The following EIF2B3 variants were observed in gnomAD, a reference collection of about 807,000 sequenced individuals.
EIF2B3 encodes the protein translation initiation factor eIF2B subunit gamma.
A neutral mutation model predicts 54.1 loss-of-function variants in EIF2B3; 20 were observed. That is an observed-to-expected ratio of 0.37 (90% CI 0.26 to 0.54). The LOEUF is 0.54. Ranked by LOEUF, EIF2B3 falls within the 20% of genes least tolerant of loss-of-function variation. The probability of loss-of-function intolerance (pLI) is 0.86; values close to 1 mark genes in which losing one functional copy is unlikely to be tolerated. For synonymous variants in EIF2B3, 153 were observed against 188.1 expected, an observed-to-expected ratio of 0.81 and a Z score of 1.52; for missense variants, 448 against 547.8, an observed-to-expected ratio of 0.82 and a Z score of 1.82.
Position 44,850,863 on chromosome 1 carries a change from T to G in EIF2B3, c.*88A>C. 6.8e-7 allele frequency: 1 copy of G among 1,477,260 alleles called. No homozygotes were observed. Among genetic ancestry groups the G allele is most frequent in the Non-Finnish European group, 9.5e-7 (1 of 1,056,834 alleles). 91.5% of individuals were successfully genotyped at this position (1,477,260 alleles called of 1,614,324 possible). On this transcript the variant is annotated 3_prime_UTR_variant, in exon 12 of 12. Coordinates refer to ENST00000360403, the MANE Select transcript of EIF2B3 (RefSeq NM_020365.5). ...CATGCCTTTGGAAGCCCTTCTTTATTGGGAAATAAATACAGAGTTAAACAG... is the reference window on the plus strand; with the variant it reads ...CATGCCTTTGGAAGCCCTTCTTTATGGGGAAATAAATACAGAGTTAAACAG...
At chr1:44,904,084 A>AAAAC (rs1036116851) in intron 5 of EIF2B3, among the ~76,000 whole-genome samples, 4 of 152,154 alleles carry the variant, frequency 2.6e-5, no homozygotes, top group Admixed American at 2.6e-4. Flanking sequence ...TCAAAAAAAC[A>AAAAC]AAACAAACAA....
Position 44,915,788 on chromosome 1 carries a change from CTA to C in EIF2B3, c.566+10838_566+10839del, listed in dbSNP as rs1164395186. Among the ~76,000 whole-genome samples the C allele has an allele frequency of 8.6e-5, 13 of 151,910 alleles. 1 individual carries two copies. In the South Asian group the frequency reaches 2.1e-3, roughly 24 times the overall value. ...AATTTTATTTTTAATATAAAAATGA[CTA>C]TTCAATTTTACTGGTATTTAACAAA... is the stretch of plus-strand genomic sequence containing the variant. On this transcript the variant is annotated intron_variant, in intron 5 of 11. Coordinates refer to ENST00000360403, the MANE Select transcript of EIF2B3 (RefSeq NM_020365.5).
chr1:44,888,644 T>C lies in EIF2B3; in HGVS notation c.657-6905A>G, dbSNP rs1361103254. Among the ~76,000 whole-genome samples, 6 of 152,362 alleles carry C rather than the reference T, an allele frequency of 3.9e-5. No individual in the cohort carries two copies. In the East Asian group the frequency reaches 7.7e-4, roughly 20 times the overall value. ...TGCTATGAATTTGTCTGTGTTGTTC[T>C]GTCATAAAGAAGGGTACCTTAGGAT... On this transcript the variant is annotated intron_variant, in intron 6 of 11. Coordinates refer to ENST00000360403, the MANE Select transcript of EIF2B3 (RefSeq NM_020365.5).
intron 4 of EIF2B3, among the ~76,000 whole-genome samples, chr1:44,928,303 C>T (rs934434502): frequency 1.3e-5 from 2 of 151,490 alleles, no homozygotes; most frequent in Non-Finnish European, 2.9e-5. Context: ...AATCAGCTGC[C>T]GAGTGTGGTG....
intron 8 of EIF2B3, among the ~76,000 whole-genome samples, chr1:44,876,871 G>A (rs1355629974): frequency 7.2e-6 from 1 of 138,318 alleles, no homozygotes; most frequent in African/African-American, 2.9e-5. Flanking sequence ...TTCTGCCTTG[G>A]GATCCTGTTG....
At chr1:44,895,742 T>G (rs1006093146) in intron 6 of EIF2B3, among the ~76,000 whole-genome samples, 2 of 152,134 alleles carry the variant, frequency 1.3e-5, no homozygotes, top group Non-Finnish European at 2.9e-5. Flanking sequence ...AAAACAAAAT[T>G]GACAATGAGT....
chr1:44,918,487 T>G (rs1389808538), intron 5 of EIF2B3, among the ~76,000 whole-genome samples: 1 of 151,914 alleles, frequency 6.6e-6, no homozygotes, highest in African/African-American at 2.4e-5. Flanking sequence ...CCTCCCAGGT[T>G]CAAGCAATTC....
chr1:44,859,963 G>A (rs1654556053), intron 10 of EIF2B3, among the ~76,000 whole-genome samples: 1 of 150,688 alleles, frequency 6.6e-6, no homozygotes, highest in African/African-American at 2.4e-5. Context: ...TCGTCATGTT[G>A]GCCAGGCTGG....
chr1:44,868,267 G>A (rs374540287), intron 10 of EIF2B3, among the ~76,000 whole-genome samples: 2 of 151,238 alleles, frequency 1.3e-5, no homozygotes, highest in African/African-American at 2.4e-5. Flanking sequence ...GCGTGGTGGC[G>A]GGCACCTGTA....
At chr1:44,892,209 G>A (rs1034905227) in intron 6 of EIF2B3, among the ~76,000 whole-genome samples, 1 of 152,070 alleles carries the variant, frequency 6.6e-6, no homozygotes, top group Non-Finnish European at 1.5e-5. Flanking sequence ...TTCAACCAAA[G>A]CACTTTCCAC....
intron 5 of EIF2B3, among the ~76,000 whole-genome samples, chr1:44,914,317 T>C (rs1413872642): frequency 6.6e-6 from 1 of 151,730 alleles, no homozygotes; most frequent in Non-Finnish European, 1.5e-5. Flanking sequence ...TGCGCCACCA[T>C]GCCTGGGTAA....
At position 44,879,886 on chromosome 1, in the gene EIF2B3, G is replaced by A; in HGVS notation, c.907C>T (p.His303Tyr). ...GAGCAGAGCCCCTCTTTCATGATGT[G>A]GACATAGCAGCGCACCTGTGATCTG... Reference protein sequence around the residue: ...LSRSQVRCYVHIMKEGLCSRV... With the variant: ...LSRSQVRCYVYIMKEGLCSRV... The change falls in exon 8 of 12, where the codon CAC (histidine) becomes TAC (tyrosine). Residue 303 changes from histidine to tyrosine, a missense_variant. Physicochemically the swap from His to Tyr is moderately conservative, Grantham distance 83 (BLOSUM62 2). Coordinates refer to ENST00000360403, the MANE Select transcript of EIF2B3 (RefSeq NM_020365.5). The A allele has an allele frequency of 6.2e-7, 1 of 1,614,142 alleles. No individual in the cohort carries two copies. The highest frequency in any genetic ancestry group is 8.5e-7 in the Non-Finnish European group (1 of 1,180,032).
At chr1:44,960,954 A>G (rs1334024979) in intron 3 of EIF2B3, among the ~76,000 whole-genome samples, 1 of 152,108 alleles carries the variant, frequency 6.6e-6, no homozygotes, top group African/African-American at 2.4e-5. Context: ...AAAGTTTACC[A>G]ATGTGTTACT....
At chr1:44,913,321 AC>A (rs1643553382) in intron 5 of EIF2B3, among the ~76,000 whole-genome samples, 1 of 151,918 alleles carries the variant, frequency 6.6e-6, no homozygotes, top group Non-Finnish European at 1.5e-5. Flanking sequence ...CCAAAACAAA[AC>A]CCTTACTTCT....
chr1:44,965,488 G>A (rs1569856849), intron 3 of EIF2B3, among the ~76,000 whole-genome samples: 2 of 144,730 alleles, frequency 1.4e-5, no homozygotes, highest in African/African-American at 5.2e-5. Flanking sequence ...TCTAGAGTTA[G>A]AGTGATTATA....
At chr1:44,921,630 T>C (rs1643739979) in intron 5 of EIF2B3, among the ~76,000 whole-genome samples, 1 of 152,196 alleles carries the variant, frequency 6.6e-6, no homozygotes, top group Admixed American at 6.5e-5. Context: ...CCTAGCACCA[T>C]TTATTGAAGA....
At position 44,870,648 on chromosome 1, in the gene EIF2B3, G is replaced by C. The variant is rs138388419; in HGVS notation, c.1202+4030C>G. Reference sequence around the variant, plus strand: ...TCTACTCCCAAGGCTTCAGTTATCAGTTCTCAGGTTTTTTTTTTTTTTGAG... The same window carrying C: ...TCTACTCCCAAGGCTTCAGTTATCACTTCTCAGGTTTTTTTTTTTTTTGAG... On this transcript the variant is annotated intron_variant, in intron 10 of 11. Transcript: ENST00000360403. Among the ~76,000 whole-genome samples the C allele has an allele frequency of 3.0e-3, 454 of 149,104 alleles. 3 individuals carry two copies. The highest frequency in any genetic ancestry group is 0.011 in the African/African-American group (433 of 40,950).
chr1:44,970,495 A>G (rs1644388562), intron 3 of EIF2B3, among the ~76,000 whole-genome samples: 1 of 152,208 alleles, frequency 6.6e-6, no homozygotes, highest in South Asian at 2.1e-4. Flanking sequence ...CTTATTGGAA[A>G]CAGACCAAAA....
intron 6 of EIF2B3, among the ~76,000 whole-genome samples, chr1:44,888,473 A>ATCTCTCTCTCTCTCTCTCTCTCTCTCTC (rs3044260): frequency 1.4e-5 from 2 of 144,422 alleles, no homozygotes; most frequent in African/African-American, 5.0e-5. Context: ...TGGCTTCTCA[A>ATCTCTCTCTCTCTCTCTCTCTCTCTCTC]TCTCTCTCTC....
Sources: gnomAD v4.1 joint callset for allele counts (sites outside exome capture counted in the v4.1 genomes callset) on GRCh38, gnomAD v4.1.1 for gene constraint, MANE v1.5 for transcripts, NCBI Gene and HGNC (gene_info 2026-07-23, HGNC 2026-07-21) for gene names.